ANGPT1: variants seen among roughly 807,000 people sequenced by gnomAD.
The protein encoded by ANGPT1 is angiopoietin 1.
ANGPT1 carries 17 observed loss-of-function variants against 62.2 expected under a neutral mutation model. The ratio of observed to expected loss-of-function variants is 0.27; its 90% confidence interval spans 0.19 to 0.41. The LOEUF is 0.41. Ranked by LOEUF, ANGPT1 falls within the 10% of genes least tolerant of loss-of-function variation. ANGPT1 has a pLI of 1.00. For missense variants in ANGPT1, 478 were observed against 594.9 expected (o/e 0.80, Z 2.04); for synonymous variants, 199 against 198.9 (o/e 1.00, Z 0.00).
intron 4 of ANGPT1, among the ~76,000 whole-genome samples, chr8:107,318,005 T>C (rs1318969118): frequency 2.0e-5 from 3 of 152,220 alleles, no homozygotes; most frequent in Admixed American, 2.0e-4. Context: ...TTGTATGCCT[T>C]ATTAATGTAA....
chr8:107,437,839 A>G (rs1200358793), intron 1 of ANGPT1, among the ~76,000 whole-genome samples: 2 of 152,160 alleles, frequency 1.3e-5, no homozygotes, highest in Non-Finnish European at 2.9e-5. Flanking sequence ...AAAAAGAAAA[A>G]AAAAACTTTA....
intron 3 of ANGPT1, among the ~76,000 whole-genome samples, chr8:107,329,821 G>A (rs986710362): frequency 6.6e-6 from 1 of 152,000 alleles, no homozygotes; most frequent in Admixed American, 6.6e-5. Context: ...CCCGGGAGCA[G>A]GAAGACAATG....
chr8:107,304,485 T>C (rs974972938), intron 4 of ANGPT1, among the ~76,000 whole-genome samples: 1 of 151,710 alleles, frequency 6.6e-6, no homozygotes, highest in Non-Finnish European at 1.5e-5. Context: ...TAGTCTTTTA[T>C]AATAAAAATA....
At chr8:107,455,545 T>A (rs1033543273) in intron 1 of ANGPT1, among the ~76,000 whole-genome samples, 6 of 152,030 alleles carry the variant, frequency 3.9e-5, no homozygotes, top group African/African-American at 1.4e-4. Context: ...GGAATGAAAG[T>A]CAAGTAAATA....
intron 1 of ANGPT1, among the ~76,000 whole-genome samples, chr8:107,403,550 G>T (rs969055734): frequency 6.6e-6 from 1 of 151,974 alleles, no homozygotes; most frequent in African/African-American, 2.4e-5. Flanking sequence ...AGGGTAAAGG[G>T]AGTATCACAT....
chr8:107,403,188 G>A (rs1302840929), intron 1 of ANGPT1, among the ~76,000 whole-genome samples: 1 of 151,996 alleles, frequency 6.6e-6, no homozygotes, highest in Non-Finnish European at 1.5e-5. Context: ...ATTCCTCATG[G>A]TCACAAGACA....
Position 107,398,500 on chromosome 8 carries a change from A to ATT in ANGPT1, c.298-51405_298-51404dup, listed in dbSNP as rs10556477. 9.6e-3 allele frequency among the ~76,000 whole-genome samples: 1,272 copies of ATT among 132,726 alleles called. 26 individuals carry two copies. Among genetic ancestry groups the ATT allele is most frequent in the Middle Eastern group, 0.022 (5 of 226 alleles). The allele number at this position is 132,726 out of a possible 152,430, so 87.1% of individuals were successfully genotyped here. A position where few individuals can be genotyped will look rare whatever the true frequency, so the allele number is the denominator to read the frequency against. On this transcript the variant is annotated intron_variant, in intron 1 of 8. Coordinates refer to ENST00000517746, the MANE Select transcript of ANGPT1 (RefSeq NM_001146.5). ...ATAAATGTTAATTTTTTTCTTTTCT[A>ATT]TTTTTTTTTTTTTTTTTGCTAAGTG...
intron 1 of ANGPT1, among the ~76,000 whole-genome samples, chr8:107,374,890 G>A (rs143447747): frequency 1.3e-5 from 2 of 152,152 alleles, no homozygotes; most frequent in Admixed American, 1.3e-4. Context: ...GGCCAGGCGC[G>A]GTGGCTCACG....
chr8:107,295,658 T>C (rs1407468144), intron 5 of ANGPT1: 1 of 151,970 alleles, frequency 6.6e-6, no homozygotes, highest in Non-Finnish European at 1.5e-5. Context: ...GCAAAGAAAA[T>C]GATCATAGTT....
At chr8:107,279,788 G>A (rs1022266252) in intron 7 of ANGPT1, among the ~76,000 whole-genome samples, 2 of 151,528 alleles carry the variant, frequency 1.3e-5, no homozygotes, top group Admixed American at 6.6e-5. Context: ...GGGAGAGAGA[G>A]AGCACAAGTT....
chr8:107,423,086 T>C (rs987711703), intron 1 of ANGPT1, among the ~76,000 whole-genome samples: 44 of 152,210 alleles, frequency 2.9e-4, no homozygotes, highest in Non-Finnish European at 5.9e-5. Flanking sequence ...CTTTAAGAGC[T>C]GTATGTGCAC....
At chr8:107,433,553 G>A (rs555480048) in intron 1 of ANGPT1, among the ~76,000 whole-genome samples, 1 of 152,266 alleles carries the variant, frequency 6.6e-6, no homozygotes, top group South Asian at 2.1e-4. Context: ...ACACTGGGCA[G>A]CATTTTCCTC....
intron 3 of ANGPT1, among the ~76,000 whole-genome samples, chr8:107,324,163 G>GTA (rs532768850): frequency 0.051 from 7,379 of 145,360 alleles, 626 homozygotes; most frequent in African/African-American, 0.18. Flanking sequence ...AAAAAAATAT[G>GTA]TATATATATA....
chr8:107,312,877 G>A (rs1173529833), intron 4 of ANGPT1, among the ~76,000 whole-genome samples: 1 of 151,946 alleles, frequency 6.6e-6, no homozygotes, highest in Non-Finnish European at 1.5e-5. Flanking sequence ...CCCTCTCGAT[G>A]GTATACACCT....
chr8:107,382,173 T>G (rs1353173792), intron 1 of ANGPT1, among the ~76,000 whole-genome samples: 2 of 152,172 alleles, frequency 1.3e-5, no homozygotes, highest in East Asian at 3.9e-4. Flanking sequence ...ACTTAATTAT[T>G]AAAGAGTAAT....
At chr8:107,275,523 A>G (rs1182147447) in intron 7 of ANGPT1, among the ~76,000 whole-genome samples, 1 of 152,088 alleles carries the variant, frequency 6.6e-6, no homozygotes, top group African/African-American at 2.4e-5. Context: ...TAGTCACAGC[A>G]CATTTGTGAT....
intron 1 of ANGPT1, among the ~76,000 whole-genome samples, chr8:107,435,479 G>A (rs1391766834): frequency 1.3e-5 from 2 of 152,190 alleles, no homozygotes; most frequent in African/African-American, 2.4e-5. Context: ...TAGGTCTGGT[G>A]CTAGGCCCAT....
chr8:107,426,700 A>G (rs955777513), intron 1 of ANGPT1, among the ~76,000 whole-genome samples: 1 of 152,202 alleles, frequency 6.6e-6, no homozygotes, highest in African/African-American at 2.4e-5. Flanking sequence ...TTGGGATAGA[A>G]GATTCTCCAC....
intron 3 of ANGPT1, among the ~76,000 whole-genome samples, chr8:107,330,153 A>G (rs957571176): frequency 2.6e-5 from 4 of 152,164 alleles, no homozygotes; most frequent in African/African-American, 9.7e-5. Context: ...CATACTAACA[A>G]CTAACATGAT....
Sources: gnomAD v4.1 joint callset for allele counts (sites outside exome capture counted in the v4.1 genomes callset) on GRCh38, gnomAD v4.1.1 for gene constraint, MANE v1.5 for transcripts, NCBI Gene and HGNC (gene_info 2026-07-23, HGNC 2026-07-21) for gene names.